The following LRRK1 variants were observed in gnomAD, a reference collection of about 807,000 sequenced individuals.
LRRK1 encodes the protein leucine rich repeat kinase 1.
A neutral mutation model predicts 209.1 loss-of-function variants in LRRK1; 113 were observed. That is an observed-to-expected ratio of 0.54 (90% CI 0.46 to 0.63). The LOEUF (loss-of-function observed/expected upper bound fraction) is 0.63. Ranked by LOEUF, LRRK1 falls within the 30% of genes least tolerant of loss-of-function variation. The pLI, the probability that LRRK1 is intolerant of heterozygous loss-of-function variation, is 0.00. For missense variants in LRRK1, 2,284 were observed against 2,632.2 expected (o/e 0.87, Z 2.89); for synonymous variants, 1,144 against 1,099.7 (o/e 1.04, Z -0.80).
intron 2 of LRRK1, among the ~76,000 whole-genome samples, chr15:100,933,870 T>C (rs1345034645): frequency 6.8e-6 from 1 of 146,096 alleles, no homozygotes; most frequent in African/African-American, 2.5e-5. Flanking sequence ...CTTGACTTCA[T>C]CTTCTAACCT....
In LRRK1 at chr15:101,024,939, A is replaced by C; in HGVS notation, c.2204A>C (p.Asn735Thr). 1.2e-6 allele frequency: 2 copies of C among 1,613,810 alleles called. No individual in the cohort carries two copies. Among genetic ancestry groups the C allele is most frequent in the Non-Finnish European group, 1.7e-6 (2 of 1,179,958 alleles). ...GCGCTGGGGGAGGAGGCCGTGGCCA[A>C]CCTCCAGTTCTGGCTGCTCAACATC... ...NLALGEEAVA[N>T]LQFWLLNIEA... The change falls in exon 16 of 34, where the codon AAC (asparagine) becomes ACC (threonine). Residue 735 changes from asparagine to threonine, a missense_variant. Transcript: ENST00000388948. This position sits in a 1 kb window ranked among gnomAD's most constrained non-coding sequence, Gnocchi z 4.6.
Position 101,057,974 on chromosome 15 carries a change from G to C in LRRK1, c.4528-16G>C. Reference sequence around the variant, plus strand: ...GTAAGTGACCTTGCTCTCTTCTGGTGGCTTCTCTCCCTCAGCGACCGCTGG... The same window carrying C: ...GTAAGTGACCTTGCTCTCTTCTGGTCGCTTCTCTCCCTCAGCGACCGCTGG... On this transcript the variant is annotated splice_polypyrimidine_tract_variant and intron_variant, in intron 28 of 33. Coordinates refer to ENST00000388948, the MANE Select transcript of LRRK1 (RefSeq NM_024652.6). 8.1e-6 allele frequency: 13 copies of C among 1,613,874 alleles called. No individual in the cohort carries two copies. The highest frequency in any genetic ancestry group is 1.1e-5 in the Non-Finnish European group (13 of 1,179,922).
At chr15:101,057,939 C>T in intron 28 of LRRK1, 51 bp from the exon 29 acceptor site, 1 of 1,601,254 alleles carries the variant, frequency 6.2e-7, no homozygotes, top group Non-Finnish European at 8.5e-7. Flanking sequence ...GAACGGGCAC[C>T]AATCCGGTTG....
At chr15:100,928,279 A>G (rs1442092207) in intron 2 of LRRK1, among the ~76,000 whole-genome samples, 1 of 152,200 alleles carries the variant, frequency 6.6e-6, no homozygotes, top group African/African-American at 2.4e-5. Context: ...TTTCTGGAAT[A>G]AATGCGGAAT....
chr15:101,014,436 G>A lies in LRRK1; in HGVS notation c.1532+8G>A, dbSNP rs1256395928. On this transcript the variant is annotated splice_region_variant and intron_variant, in intron 11 of 33. Coordinates refer to ENST00000388948, the MANE Select transcript of LRRK1 (RefSeq NM_024652.6). ...CAGAAACCAACTTGGCAAGTAAGCA[G>A]GGGCCTCTCCTCCCTGGCCAGTTCC... 6.3e-7 allele frequency: 1 copy of A among 1,586,528 alleles called. No individual in the cohort carries two copies. Among genetic ancestry groups the A allele is most frequent in the Non-Finnish European group, 8.7e-7 (1 of 1,154,994 alleles).
At chr15:101,011,893 C>T (rs2033266862) in intron 9 of LRRK1, 115 bp from the exon 10 acceptor site, 1 of 751,718 alleles carries the variant, frequency 1.3e-6, no homozygotes, top group Non-Finnish European at 2.2e-6. Flanking sequence ...ATCTTCATTA[C>T]AGGACATTAT....
At chr15:101,025,493 T>C (rs2033985398) in intron 16 of LRRK1, among the ~76,000 whole-genome samples, 1 of 152,254 alleles carries the variant, frequency 6.6e-6, no homozygotes, top group African/African-American at 2.4e-5. Context: ...AGAGGTTCAT[T>C]TGGCTCACAA....
intron 12 of LRRK1, among the ~76,000 whole-genome samples, chr15:101,017,535 T>G (rs570221936): frequency 6.6e-6 from 1 of 152,216 alleles, no homozygotes; most frequent in South Asian, 2.1e-4. Flanking sequence ...CCAGTGAGCA[T>G]CAGCGCCACC....
rs372319954 is a variant in LRRK1, at chr15:101,010,477, C to T, written c.1017C>T (p.Asn339=). 71 of 1,611,616 alleles carry T rather than the reference C, an allele frequency of 4.4e-5. No individual in the cohort carries two copies. The African/African-American group carries it at 8.0e-4, about 18-fold the overall frequency. The part of the protein sequence containing the change: ...SRLLEIDISS[N]KLSHLPPGFL... ...TACTTGAAATTGACATTTCCAGCAA[C>T]AAGTTGTCCCACCTCCCTCCTGGAT... Residue 339 remains asparagine (N), a synonymous_variant, in exon 8 of 34, where the codon AAC becomes AAT. Coordinates refer to ENST00000388948, the MANE Select transcript of LRRK1 (RefSeq NM_024652.6).
At chr15:100,953,358 A>C (rs1381101778) in intron 2 of LRRK1, among the ~76,000 whole-genome samples, 1 of 152,146 alleles carries the variant, frequency 6.6e-6, no homozygotes, top group South Asian at 2.1e-4. Context: ...AAGATTCCAC[A>C]TATAAGTGAG....
At chr15:101,049,597 C>T in intron 22 of LRRK1, 47 bp from the exon 23 acceptor site, 2 of 1,593,544 alleles carry the variant, frequency 1.3e-6, no homozygotes, top group South Asian at 2.3e-5. Flanking sequence ...TCCCAGGGTC[C>T]CCCAGAGCCA....
chr15:101,017,842 G>T (rs188297508), intron 12 of LRRK1, among the ~76,000 whole-genome samples: 1 of 151,746 alleles, frequency 6.6e-6, no homozygotes, highest in African/African-American at 2.4e-5. Context: ...GTTAATAAAC[G>T]GTGTTGATAT....
rs1319081084 is a variant in LRRK1, at chr15:101,065,868, G to T, written c.5431G>T (p.Asp1811Tyr). 6 of 1,614,146 alleles carry T rather than the reference G, an allele frequency of 3.7e-6. No individual in the cohort carries two copies. The Admixed American group carries it at 6.7e-5, about 18-fold the overall frequency. The change falls in exon 32 of 34, where the codon GAC becomes TAC. Residue 1811 changes from aspartate to tyrosine, a missense_variant. Transcript: ENST00000388948. ...GGCCAACCCAAAGGTGCCTGAGGGG[G>T]ACTCCATCGCGGACGTGAGCATCAT... ...HTANPKVPEG[D>Y]SIADVSIMYS...
At chr15:100,926,664 T>C (rs1406016263) in intron 2 of LRRK1, among the ~76,000 whole-genome samples, 2 of 148,072 alleles carry the variant, frequency 1.4e-5, no homozygotes, top group Non-Finnish European at 3.0e-5. Context: ...TTCTTTTCTT[T>C]TTCTTTTCTT....
chr15:100,974,175 C>T (rs1052002934), intron 3 of LRRK1: 1 of 412,636 alleles, frequency 2.4e-6, no homozygotes, highest in Non-Finnish European at 4.1e-6. Context: ...CCCCTGCCAC[C>T]TTTTCATGGG....
chr15:101,018,722 GC>G (rs1412377986), intron 12 of LRRK1, among the ~76,000 whole-genome samples: 1 of 152,006 alleles, frequency 6.6e-6, no homozygotes, highest in Non-Finnish European at 1.5e-5. Context: ...AGGGGGCCGC[GC>G]CCCTGGGAGG....
intron 2 of LRRK1, among the ~76,000 whole-genome samples, chr15:100,962,665 GT>G (rs1332507054): frequency 1.3e-5 from 2 of 149,904 alleles, no homozygotes; most frequent in Non-Finnish European, 3.0e-5. Context: ...AGAGTGTCAG[GT>G]TCAGGTTTTA....
At chr15:100,941,300 CTATGTGTG>C (rs2042404173) in intron 2 of LRRK1, among the ~76,000 whole-genome samples, 3 of 47,984 alleles carry the variant, frequency 6.3e-5, no homozygotes, top group African/African-American at 1.9e-4. Flanking sequence ...CTGTGTGTGT[CTATGTGTG>C]TGTGTCTGTG....
intron 29 of LRRK1, 115 bp downstream of exon 29, chr15:101,058,256 TC>T: frequency 9.5e-7 from 1 of 1,057,754 alleles, no homozygotes; most frequent in Non-Finnish European, 1.4e-6. Context: ...GACGGTAGGG[TC>T]CAGAACCTGG....
Sources: allele counts gnomAD v4.1 joint callset (sites outside exome capture counted in the v4.1 genomes callset), GRCh38; gene constraint gnomAD v4.1.1; non-coding constraint Gnocchi (gnomAD v3.1); transcripts MANE v1.5; gene names NCBI Gene and HGNC (gene_info 2026-07-23, HGNC 2026-07-21).